Variants in NOP14 observed in about 807,000 individuals in gnomAD.
NOP14 encodes the protein NOP14 nucleolar protein.
A neutral mutation model predicts 101.6 loss-of-function variants in NOP14; 57 were observed. The ratio of observed to expected loss-of-function variants is 0.56; its 90% confidence interval spans 0.45 to 0.70. The LOEUF is 0.70. Among genes scored for constraint, NOP14 ranks in the 30% least tolerant of loss-of-function variants. NOP14 has a pLI of 0.00. For synonymous variants in NOP14, 428 were observed against 424.0 expected (o/e 1.01, Z -0.12); for missense variants, 1,134 against 1,075.5 (o/e 1.05, Z -0.76).
At chr4:2,939,716 C>T (rs1713996861) in intron 15 of NOP14, 71 bp from the exon 16 acceptor site, 5 of 1,179,382 alleles carry the variant, frequency 4.2e-6, no homozygotes, top group South Asian at 2.4e-5. Context: ...CGCACGGGTT[C>T]TGTGGTGTCA....
chr4:2,959,826 C>T (rs967826305), intron 1 of NOP14, among the ~76,000 whole-genome samples: 3 of 152,208 alleles, frequency 2.0e-5, no homozygotes, highest in South Asian at 2.1e-4. Context: ...ATTCTTTATC[C>T]GCAGAGCAAA....
chr4:2,963,376 T>A lies in NOP14; in HGVS notation c.-57A>T. ...GACCCGAAGAGAGACAGGCGCGCGCTACCCTAAGACACGTGCCGGGCCGCG... is the reference window on the plus strand; with the variant it reads ...GACCCGAAGAGAGACAGGCGCGCGCAACCCTAAGACACGTGCCGGGCCGCG... On this transcript the variant is annotated 5_prime_UTR_variant, in exon 1 of 18. Coordinates refer to ENST00000416614, the MANE Select transcript of NOP14 (RefSeq NM_001291978.2). 1 of 1,481,440 alleles carries A rather than the reference T, an allele frequency of 6.8e-7. No individual in the cohort carries two copies. The highest frequency in any genetic ancestry group is 8.9e-7 in the Non-Finnish European group (1 of 1,121,964). The allele number at this position is 1,481,440 out of a possible 1,614,324, so 91.8% of individuals were successfully genotyped here.
In NOP14 at chr4:2,945,242, T is replaced by A; in HGVS notation, c.1636-13A>T. On this transcript the variant is annotated splice_polypyrimidine_tract_variant and intron_variant, in intron 11 of 17. Coordinates refer to ENST00000416614, the MANE Select transcript of NOP14 (RefSeq NM_001291978.2). ...TCAAATAAATGAGCTGGAAAGAAAG[T>A]GTTACCACAGGTTAAAGAAGGTAAA... 1.3e-6 allele frequency: 2 copies of A among 1,548,060 alleles called. No homozygotes were observed. The highest frequency in any genetic ancestry group is 2.4e-5 in the East Asian group (1 of 41,888).
intron 10 of NOP14, chr4:2,946,836 G>A (rs1332657067): frequency 9.2e-6 from 4 of 437,036 alleles, no homozygotes; most frequent in Non-Finnish European, 1.7e-5. Context: ...CAGCTCCAAG[G>A]CACTTTCCAT....
At position 2,963,291 on chromosome 4, in the gene NOP14, C is replaced by A. The variant is rs1322052204; in HGVS notation, c.29G>T (p.Arg10Leu). The change falls in exon 1 of 18, where the codon CGA (arginine) becomes CTA (leucine). Residue 10 changes from arginine (R) to leucine (L), a missense_variant. By Grantham distance (102) the Arg-to-Leu change is moderately radical. Transcript: ENST00000416614. ...CGCCGGCGCCCCGGAGGCCTTCCTT[C>A]GCGCCCCGACCTTCTTCGCCTTCGC... MAKAKKVGA[R>L]RKASGAPAGA... The A allele has an allele frequency of 1.3e-6, 2 of 1,594,956 alleles. No individual in the cohort carries two copies. The highest frequency in any genetic ancestry group is 1.7e-6 in the Non-Finnish European group (2 of 1,173,316).
In NOP14 at chr4:2,938,850, C is replaced by T; in HGVS notation, c.2555G>A (p.Arg852Lys). 3.1e-6 allele frequency: 5 copies of T among 1,613,092 alleles called. No homozygotes were observed. In the South Asian group the frequency reaches 5.5e-5, roughly 18 times the overall value. The part of the protein sequence containing the change: ...TQEGEWKALK[R>K]KKFKK ...TGTAATTTATTTTTTGAACTTTTTCCTCTTCAGAGCCTTCCATTCGCCTTC... is the reference window on the plus strand; with the variant it reads ...TGTAATTTATTTTTTGAACTTTTTCTTCTTCAGAGCCTTCCATTCGCCTTC... The change falls in exon 18 of 18, where the codon AGG (arginine) becomes AAG (lysine). Residue 852 changes from arginine (R) to lysine (K), a missense_variant. Transcript: ENST00000416614.
intron 5 of NOP14, 60 bp downstream of exon 5, chr4:2,953,451 G>C: frequency 1.3e-6 from 2 of 1,591,320 alleles, no homozygotes; most frequent in Non-Finnish European, 1.7e-6. Flanking sequence ...CCTTTCTCTG[G>C]AGAAAGTCGG....
At position 2,950,161 on chromosome 4, in the gene NOP14, G is replaced by A; in HGVS notation, c.1055C>T (p.Ala352Val). 1 of 1,614,084 alleles carries A rather than the reference G, an allele frequency of 6.2e-7. No homozygotes were observed. The highest frequency in any genetic ancestry group is 8.5e-7 in the Non-Finnish European group (1 of 1,180,006). ...EDVQEEQSKE[A>V]SDPESNEEEG... The stretch of plus-strand genomic sequence containing the variant: ...TTCCTCGTTGCTCTCAGGGTCACTG[G>A]CTTCCTTGCTTTGCTCTTCCTGGAC... Residue 352 changes from alanine (A) to valine (V), a missense_variant, in exon 8 of 18, where the codon GCC (alanine) becomes GTC (valine). By Grantham distance (64) the Ala-to-Val change is moderately conservative (BLOSUM62 0). Transcript: ENST00000416614.
In NOP14 at chr4:2,949,944, G is replaced by A. The variant is rs779579264; in HGVS notation, c.1272C>T (p.Tyr424=). 23 of 1,614,092 alleles carry A rather than the reference G, an allele frequency of 1.4e-5. No individual in the cohort carries two copies. The highest frequency in any genetic ancestry group is 1.9e-5 in the Non-Finnish European group (23 of 1,180,040). The part of the protein sequence containing the change: ...AGKATRDELP[Y]TFAAPESYEE... Reference sequence around the variant, plus strand: ...CGCGCACTTGCCCACCTGCGAACGTGTAGGGCAGCTCGTCTCTGGTAGCTT... The same window carrying A: ...CGCGCACTTGCCCACCTGCGAACGTATAGGGCAGCTCGTCTCTGGTAGCTT... The change falls in exon 8 of 18, where the codon TAC becomes TAT. Residue 424 remains tyrosine, a synonymous_variant. Transcript: ENST00000416614.
intron 14 of NOP14, 100 bp downstream of exon 14, chr4:2,942,092 C>T: frequency 7.9e-7 from 1 of 1,258,760 alleles, no homozygotes; most frequent in Non-Finnish European, 1.1e-6. Context: ...GGCCGGGCGG[C>T]AAGTTCACTA....
chr4:2,946,346 C>T, intron 11 of NOP14, 66 bp downstream of exon 11: 1 of 1,591,696 alleles, frequency 6.3e-7, no homozygotes, highest in Non-Finnish European at 8.6e-7. Context: ...TACCCGTCGT[C>T]CACCTTCTGT....
Position 2,939,617 on chromosome 4 carries a change from A to G in NOP14, c.2228T>C (p.Met743Thr). ...QELCQSTLTE[M>T]ESQKQLCRPL... ...CCGGCAGAGCTGCTTCTGGCTTTCC[A>G]TTTCGGTCAGTGTGCTCTGACACAG... The change falls in exon 16 of 18, where the codon ATG becomes ACG. Residue 743 changes from methionine (M) to threonine (T), a missense_variant. By Grantham distance (81) the Met-to-Thr change is moderately conservative. Coordinates refer to ENST00000416614, the MANE Select transcript of NOP14 (RefSeq NM_001291978.2). 6.2e-7 allele frequency: 1 copy of G among 1,613,760 alleles called. No homozygotes were observed. Among genetic ancestry groups the G allele is most frequent in the East Asian group, 2.2e-5 (1 of 44,876 alleles).
At chr4:2,957,539 C>CT in intron 2 of NOP14, 67 bp downstream of exon 2, 1 of 1,579,254 alleles carries the variant, frequency 6.3e-7, no homozygotes, top group Non-Finnish European at 8.7e-7. Flanking sequence ...CAGAGTCAGC[C>CT]TTCTCCTTGG....
At chr4:2,947,847 C>G (rs1714758082) in intron 9 of NOP14, among the ~76,000 whole-genome samples, 1 of 152,212 alleles carries the variant, frequency 6.6e-6, no homozygotes, top group Non-Finnish European at 1.5e-5. Context: ...TTCTACAGAA[C>G]AGCTGACAAC....
In NOP14 at chr4:2,963,175, G is replaced by T; in HGVS notation, c.145C>A (p.Arg49Ser). ...QKFQILGRKT[R>S]HDVGLPGVSR... The stretch of plus-strand genomic sequence containing the variant: ...ACCCCGGGCAGTCCCACGTCGTGGC[G>T]CGTCTTCCGGCCCAGGATCTGGAAC... The change falls in exon 1 of 18, where the codon CGC becomes AGC. Residue 49 changes from arginine (R) to serine (S), a missense_variant. Transcript: ENST00000416614. 6.3e-7 allele frequency: 1 copy of T among 1,579,886 alleles called. No individual in the cohort carries two copies. Among genetic ancestry groups the T allele is most frequent in the Non-Finnish European group, 8.6e-7 (1 of 1,165,726 alleles).
At chr4:2,947,177 G>A (rs1455001110) in intron 10 of NOP14, 2 of 326,386 alleles carry the variant, frequency 6.1e-6, no homozygotes, top group Non-Finnish European at 5.7e-6. Context: ...AGGGTGAGGG[G>A]CGGGGTGTCT....
intron 13 of NOP14, among the ~76,000 whole-genome samples, chr4:2,943,066 G>T (rs2109295006): frequency 1.3e-5 from 2 of 152,322 alleles, no homozygotes; most frequent in Admixed American, 1.3e-4. Context: ...CTTCACACGT[G>T]GGACTGCAGC....
chr4:2,950,487 G>A, intron 7 of NOP14: 1 of 510,006 alleles, frequency 2.0e-6, no homozygotes, highest in Non-Finnish European at 3.5e-6. Context: ...ATGGGACTGG[G>A]ATTTGGAAGG....
rs539134935 is a variant in NOP14, at chr4:2,939,024, G to A, written c.2475-94C>T. The A allele has an allele frequency of 1.3e-4, 194 of 1,468,632 alleles. No individual in the cohort carries two copies. In the East Asian group the frequency reaches 1.9e-3, roughly 14 times the overall value. The allele number at this position is 1,468,632 out of a possible 1,614,324, so 91.0% of individuals were successfully genotyped here. A position where few individuals can be genotyped will look rare whatever the true frequency, so the allele number is the denominator to read the frequency against. On this transcript the variant is annotated intron_variant, in intron 17 of 17. Coordinates refer to ENST00000416614, the MANE Select transcript of NOP14 (RefSeq NM_001291978.2). Reference sequence around the variant, plus strand: ...CCACATCAGAACCACATTAGCCACCGTGGCCACGTTCAGTTCAAACAGGGG... The same window carrying A: ...CCACATCAGAACCACATTAGCCACCATGGCCACGTTCAGTTCAAACAGGGG...
Sources: allele counts gnomAD v4.1 joint callset (sites outside exome capture counted in the v4.1 genomes callset), GRCh38; gene constraint gnomAD v4.1.1; transcripts MANE v1.5; gene names NCBI Gene and HGNC (gene_info 2026-07-23, HGNC 2026-07-21).